Variants in CASK observed in about 807,000 individuals in gnomAD.
CASK encodes peripheral plasma membrane protein CASK.
Under a neutral mutation model 82.9 loss-of-function variants are expected in CASK, and 4 were observed. The ratio of observed to expected loss-of-function variants is 0.05; its 90% CI spans 0.02 to 0.11. The LOEUF (loss-of-function observed/expected upper bound fraction) is 0.11. Among genes scored for constraint, CASK ranks in the 10% least tolerant of loss-of-function variants. The pLI is 1.00. For missense variants in CASK, 358 were observed against 720.9 expected (o/e 0.50, Z 5.76); for synonymous variants, 259 against 253.5 (o/e 1.02, Z -0.20).
In CASK at chrX:41,523,936, C is replaced by A. The variant is rs1305194440; in HGVS notation, c.2604+15G>T. On this transcript the variant is annotated intron_variant, in intron 26 of 26. Coordinates refer to ENST00000378163, the MANE Select transcript of CASK (RefSeq NM_001367721.1). Reference sequence around the variant, plus strand: ...TCCTTACAGCTTATTTGGGGAAAAACAGATTGATTCTTACCTCATTTAAAC... The same window carrying A: ...TCCTTACAGCTTATTTGGGGAAAAAAAGATTGATTCTTACCTCATTTAAAC... The A allele has an allele frequency of 8.7e-7, 1 of 1,144,538 alleles. No individual in the cohort carries two copies. Among genetic ancestry groups the A allele is most frequent in the African/African-American group, 1.8e-5 (1 of 55,486 alleles). 94.3% of individuals were successfully genotyped at this position (1,144,538 alleles called of 1,213,427 possible).
chrX:41,539,638 T>C (rs2064921171), intron 22 of CASK, among the ~76,000 whole-genome samples: 3 of 112,565 alleles, frequency 2.7e-5, no homozygotes, highest in South Asian at 7.3e-4. Flanking sequence ...CTCACTCTTT[T>C]AGAGCAATTC....
chrX:41,565,074 C>T (rs1335452673), intron 16 of CASK, among the ~76,000 whole-genome samples: 1 of 111,944 alleles, frequency 8.9e-6, no homozygotes, highest in Non-Finnish European at 1.9e-5. Context: ...CTCTGGGACA[C>T]ATTTAAAGCA....
At chrX:41,866,385 C>T in intron 1 of CASK, among the ~76,000 whole-genome samples, 1 of 112,293 alleles carries the variant, frequency 8.9e-6, no homozygotes, top group Non-Finnish European at 1.9e-5. Context: ...TTGTAGGTCT[C>T]TCCAGCACCC....
At chrX:41,894,636 TG>T in intron 1 of CASK, among the ~76,000 whole-genome samples, 1 of 98,338 alleles carries the variant, frequency 1.0e-5, no homozygotes, top group East Asian at 3.1e-4. Context: ...TAGTGAAGGT[TG>T]GGGTGGGAGG....
chrX:41,571,434 AATTT>A (rs2065410481), intron 15 of CASK, among the ~76,000 whole-genome samples: 1 of 111,363 alleles, frequency 9.0e-6, no homozygotes, highest in Admixed American at 9.6e-5. Context: ...TAAGTTGTTG[AATTT>A]ATTGGCATAA....
intron 2 of CASK, among the ~76,000 whole-genome samples, chrX:41,847,492 C>T (rs2147959948): frequency 9.0e-6 from 1 of 111,238 alleles, no homozygotes; most frequent in African/African-American, 3.3e-5. Flanking sequence ...TGATACTTTC[C>T]ATTTGGTAAC....
intron 22 of CASK, among the ~76,000 whole-genome samples, chrX:41,536,221 G>A (rs982424376): frequency 7.2e-5 from 8 of 110,605 alleles, no homozygotes; most frequent in Non-Finnish European, 1.3e-4. Context: ...AGGTTCAAGC[G>A]ATTCTCCTGC....
intron 5 of CASK, among the ~76,000 whole-genome samples, chrX:41,725,032 T>C (rs113365151): frequency 8.9e-6 from 1 of 112,018 alleles, no homozygotes; most frequent in African/African-American, 3.2e-5. Flanking sequence ...TTAGGTTTTA[T>C]ATATTTATAC....
At chrX:41,611,871 G>C (rs1170711641) in intron 11 of CASK, among the ~76,000 whole-genome samples, 5 of 111,001 alleles carry the variant, frequency 4.5e-5, no homozygotes, top group African/African-American at 1.6e-4. Flanking sequence ...ACTGGTTTTC[G>C]TATTTTTTTG....
chrX:41,805,302 AG>A (rs2070094575), intron 2 of CASK, among the ~76,000 whole-genome samples: 1 of 111,993 alleles, frequency 8.9e-6, no homozygotes, highest in South Asian at 3.7e-4. Flanking sequence ...AGACTACTTC[AG>A]GAATAGTATT....
At position 41,636,615 on chromosome X, in the gene CASK, T is replaced by G. The variant is rs747865069; in HGVS notation, c.878A>C (p.Glu293Ala). ...CCTTGCATTGAATTTCCTCAGCTGCTCTACTGTTTCTGGAAGATGAATCTT... is the reference window on the plus strand; with the variant it reads ...CCTTGCATTGAATTTCCTCAGCTGCGCTACTGTTTCTGGAAGATGAATCTT... ...AYKIHLPETV[E>A]QLRKFNARRK... is the part of the protein sequence containing the mutation. The change falls in exon 9 of 27, where the codon GAG becomes GCG. Residue 293 changes from glutamate to alanine, a missense_variant. Physicochemically the swap from Glu to Ala is moderately radical, Grantham distance 107. Coordinates refer to ENST00000378163, the MANE Select transcript of CASK (RefSeq NM_001367721.1). 1 of 1,198,296 alleles carries G rather than the reference T, an allele frequency of 8.3e-7. No individual in the cohort carries two copies. Among genetic ancestry groups the G allele is most frequent in the Non-Finnish European group, 1.1e-6 (1 of 883,135 alleles).
At chrX:41,807,219 AAACAACAAC>A (rs745347279) in intron 2 of CASK, among the ~76,000 whole-genome samples, 1 of 110,797 alleles carries the variant, frequency 9.0e-6, no homozygotes, top group African/African-American at 3.3e-5. Context: ...TATCATTCTC[AAACAACAAC>A]AACAACAACA....
chrX:41,726,297 C>A (rs1427062736), intron 5 of CASK, among the ~76,000 whole-genome samples: 1 of 112,030 alleles, frequency 8.9e-6, no homozygotes, highest in African/African-American at 3.2e-5. Context: ...TGAAGTATGA[C>A]AGTTTAACAT....
intron 5 of CASK, among the ~76,000 whole-genome samples, chrX:41,686,907 C>T (rs925019497): frequency 7.2e-5 from 8 of 111,430 alleles, no homozygotes; most frequent in Non-Finnish European, 5.6e-5. Context: ...AAAGAGGAAG[C>T]GTGAAGGGAA....
chrX:41,641,757 T>A lies in CASK; in HGVS notation c.832-5096A>T, dbSNP rs746878559. On this transcript the variant is annotated intron_variant, in intron 8 of 26. Coordinates refer to ENST00000378163, the MANE Select transcript of CASK (RefSeq NM_001367721.1). ...ATTTTTTTCATGTTATAGTTTTTTT[T>A]ATTATACTTTAAGTTCTAGGGTACA... Among the ~76,000 whole-genome samples, 16 of 111,756 alleles carry A rather than the reference T, an allele frequency of 1.4e-4. 1 individual carries two copies. The highest frequency in any genetic ancestry group is 1.1e-3 in the Admixed American group (12 of 10,527).
intron 2 of CASK, among the ~76,000 whole-genome samples, chrX:41,804,279 C>T (rs5964053): frequency 0.18 from 19,796 of 109,966 alleles, 1,515 homozygotes; most frequent in Middle Eastern, 0.3. Context: ...ACCCGGGAGG[C>T]GGAGGCTGCA....
At chrX:41,596,253 AT>A (rs1196971545) in intron 12 of CASK, among the ~76,000 whole-genome samples, 2 of 110,952 alleles carry the variant, frequency 1.8e-5, no homozygotes, top group Non-Finnish European at 3.8e-5. Flanking sequence ...GATAGGAAAT[AT>A]TTTAGGCTTT....
chrX:41,610,891 C>T (rs1228193448), intron 11 of CASK, among the ~76,000 whole-genome samples: 3 of 111,566 alleles, frequency 2.7e-5, no homozygotes, highest in South Asian at 3.8e-4. Flanking sequence ...ATATACTCCA[C>T]AAAAAAAGAG....
intron 10 of CASK, chrX:41,624,328 G>T: frequency 2.9e-6 from 1 of 343,970 alleles, no homozygotes; most frequent in East Asian, 8.6e-5. Context: ...CCTTTCATGT[G>T]GGAAGGGCTC....
Sources: allele counts gnomAD v4.1 joint callset (sites outside exome capture counted in the v4.1 genomes callset), GRCh38; gene constraint gnomAD v4.1.1; transcripts MANE v1.5; gene names NCBI Gene and HGNC (gene_info 2026-07-23, HGNC 2026-07-21).